Variants in ADAMTS12 observed in about 807,000 individuals in gnomAD.
ADAMTS12 encodes ADAM metallopeptidase with thrombospondin type 1 motif 12.
A neutral mutation model predicts 167.8 loss-of-function variants in ADAMTS12; 118 were observed. That is an observed-to-expected ratio of 0.70 (90% confidence interval 0.61 to 0.82). ADAMTS12 has a LOEUF of 0.82. ADAMTS12 is among the 40% of genes least tolerant of loss of function. The pLI, the probability that ADAMTS12 is intolerant of heterozygous loss-of-function variation, is 0.00. For synonymous variants in ADAMTS12, 704 were observed against 716.9 expected (o/e 0.98, Z 0.29); for missense variants, 1,916 against 1,998.8 (o/e 0.96, Z 0.79).
chr5:33,561,024 T>C lies in ADAMTS12; in HGVS notation c.4125+3A>G. 1 of 1,613,982 alleles carries C rather than the reference T, an allele frequency of 6.2e-7. No homozygotes were observed. Among genetic ancestry groups the C allele is most frequent in the Non-Finnish European group, 8.5e-7 (1 of 1,179,972 alleles). ...CAAGACTCTGCCAAGCCTGATAAGT[T>C]ACCTTGCTCCAGTTTCCCACTTTCC... is the stretch of plus-strand genomic sequence containing the variant. On this transcript the variant is annotated splice_donor_region_variant and intron_variant, in intron 20 of 23. Coordinates refer to ENST00000504830, the MANE Select transcript of ADAMTS12 (RefSeq NM_030955.4).
At chr5:33,683,175 T>C (rs1024756710) in intron 4 of ADAMTS12, 74 bp from the exon 5 acceptor site, 3 of 1,173,290 alleles carry the variant, frequency 2.6e-6, no homozygotes, top group East Asian at 2.5e-5. Flanking sequence ...GAAAATAGCA[T>C]TGTAATGCAC....
intron 9 of ADAMTS12, among the ~76,000 whole-genome samples, chr5:33,646,868 GGAAA>G (rs761462739): frequency 2.0e-5 from 3 of 151,894 alleles, no homozygotes; most frequent in East Asian, 3.9e-4. Context: ...TTTAAAATTA[GGAAA>G]GAAATACCAT....
chr5:33,791,995 CTT>C (rs746021718), intron 2 of ADAMTS12, among the ~76,000 whole-genome samples: 3,149 of 119,228 alleles, frequency 0.026, 64 homozygotes, highest in East Asian at 0.13. Context: ...TGCTTTCACA[CTT>C]TTTTTTTTTT....
intron 16 of ADAMTS12, among the ~76,000 whole-genome samples, chr5:33,613,619 C>G (rs1157191793): frequency 6.6e-6 from 1 of 152,214 alleles, no homozygotes; most frequent in African/African-American, 2.4e-5. Flanking sequence ...GCAGAGTCTT[C>G]TAACCTGCTT....
intron 2 of ADAMTS12, among the ~76,000 whole-genome samples, chr5:33,787,912 G>A (rs1746389624): frequency 6.6e-6 from 1 of 152,206 alleles, no homozygotes; most frequent in Non-Finnish European, 1.5e-5. Context: ...ATGTGTGAGG[G>A]AATGTTCTGG....
chr5:33,803,236 C>T (rs1428122495), intron 2 of ADAMTS12, among the ~76,000 whole-genome samples: 1 of 152,142 alleles, frequency 6.6e-6, no homozygotes, highest in Non-Finnish European at 1.5e-5. Flanking sequence ...AACCCACAGA[C>T]AAAACTATTA....
At chr5:33,805,539 A>C (rs1018137450) in intron 2 of ADAMTS12, among the ~76,000 whole-genome samples, 1 of 152,156 alleles carries the variant, frequency 6.6e-6, no homozygotes, top group African/African-American at 2.4e-5. Context: ...ACAGACTTGT[A>C]ATGTGGCAGT....
intron 22 of ADAMTS12, among the ~76,000 whole-genome samples, chr5:33,537,042 G>A (rs1371015056): frequency 1.3e-5 from 2 of 152,226 alleles, no homozygotes; most frequent in Admixed American, 6.5e-5. Flanking sequence ...CATGTGGCTG[G>A]AGAAGGCCAC....
Position 33,588,763 on chromosome 5 carries a change from G to T in ADAMTS12, c.2701C>A (p.His901Asn). 2 of 1,613,942 alleles carry T rather than the reference G, an allele frequency of 1.2e-6. No homozygotes were observed. The highest frequency in any genetic ancestry group is 1.7e-6 in the Non-Finnish European group (2 of 1,180,026). ...AGCACGGTTCGCTTCTTCTCCCCGT[G>T]GGGCCCGCATGTCGCCGAGCATGCT... ...WEACSATCGPHGEKKRTVLCI... is the reference protein window; with the variant it reads ...WEACSATCGPNGEKKRTVLCI... The change falls in exon 18 of 24, where the codon CAC becomes AAC. Residue 901 changes from histidine (H) to asparagine (N), a missense_variant. By Grantham distance (68) the His-to-Asn change is moderately conservative. Coordinates refer to ENST00000504830, the MANE Select transcript of ADAMTS12 (RefSeq NM_030955.4).
chr5:33,689,007 T>C (rs1022328977), intron 3 of ADAMTS12, among the ~76,000 whole-genome samples: 2 of 152,138 alleles, frequency 1.3e-5, no homozygotes, highest in African/African-American at 2.4e-5. Flanking sequence ...TCCAGACAAA[T>C]GAGACCCAGT....
intron 19 of ADAMTS12, among the ~76,000 whole-genome samples, chr5:33,566,060 G>A (rs1746000329): frequency 6.6e-6 from 1 of 152,142 alleles, no homozygotes; most frequent in African/African-American, 2.4e-5. Flanking sequence ...CAACCATTTT[G>A]TTTTTAGAGA....
chr5:33,804,096 G>A (rs1029395614), intron 2 of ADAMTS12, among the ~76,000 whole-genome samples: 1 of 152,092 alleles, frequency 6.6e-6, no homozygotes, highest in Non-Finnish European at 1.5e-5. Context: ...CTATTATAAG[G>A]ACCGAATGGG....
intron 12 of ADAMTS12, among the ~76,000 whole-genome samples, chr5:33,636,643 T>C (rs1374785951): frequency 6.6e-6 from 1 of 152,204 alleles, no homozygotes; most frequent in Non-Finnish European, 1.5e-5. Flanking sequence ...CTCAAATCTG[T>C]GATTTTTCTT....
At chr5:33,746,366 C>G (rs1744786809) in intron 3 of ADAMTS12, among the ~76,000 whole-genome samples, 1 of 152,160 alleles carries the variant, frequency 6.6e-6, no homozygotes, top group South Asian at 2.1e-4. Flanking sequence ...GGTGATCTGA[C>G]AAGCTAATAA....
At position 33,717,087 on chromosome 5, in the gene ADAMTS12, G is replaced by A. The variant is rs1743642423; in HGVS notation, c.635-33032C>T. 2.0e-5 allele frequency among the ~76,000 whole-genome samples: 3 copies of A among 151,302 alleles called. No homozygotes were observed. In the South Asian group the frequency reaches 6.3e-4, roughly 32 times the overall value. ...CTATCAGTTTGGAAGCTGGAAAACT[G>A]GTGTAAGTAGAGATTGAGAAAGAAA... On this transcript the variant is annotated intron_variant, in intron 3 of 23. Coordinates refer to ENST00000504830, the MANE Select transcript of ADAMTS12 (RefSeq NM_030955.4).
chr5:33,814,261 T>A (rs1336695355), intron 2 of ADAMTS12, among the ~76,000 whole-genome samples: 1 of 152,198 alleles, frequency 6.6e-6, no homozygotes, highest in East Asian at 1.9e-4. Flanking sequence ...CTGGAACTGA[T>A]TTTGCTTATG....
chr5:33,654,153 G>C (rs1459536776), intron 7 of ADAMTS12, among the ~76,000 whole-genome samples: 2 of 152,006 alleles, frequency 1.3e-5, no homozygotes, highest in African/African-American at 4.8e-5. Flanking sequence ...CTACATGTTT[G>C]ACTCTTCTTC....
At chr5:33,819,878 G>A (rs1167657381) in intron 2 of ADAMTS12, among the ~76,000 whole-genome samples, 1 of 152,136 alleles carries the variant, frequency 6.6e-6, no homozygotes, top group Non-Finnish European at 1.5e-5. Context: ...AGTACCCATG[G>A]GGAGCTAAAA....
chr5:33,693,067 T>C (rs1265404208), intron 3 of ADAMTS12, among the ~76,000 whole-genome samples: 1 of 152,246 alleles, frequency 6.6e-6, no homozygotes, highest in Non-Finnish European at 1.5e-5. Context: ...AGCAAGTCTG[T>C]TAGTCGGAAG....
Sources: allele counts gnomAD v4.1 joint callset (sites outside exome capture counted in the v4.1 genomes callset), GRCh38; gene constraint gnomAD v4.1.1; transcripts MANE v1.5; gene names NCBI Gene and HGNC (gene_info 2026-07-23, HGNC 2026-07-21).